The following HDLBP variants were observed in gnomAD, a reference collection of about 807,000 sequenced individuals.
The protein encoded by HDLBP is high density lipoprotein binding protein, also known as vigilin.
In HDLBP, 30 loss-of-function variants were observed where a neutral mutation model predicts 137.3. That is an observed-to-expected ratio of 0.22 (90% CI 0.16 to 0.30). HDLBP has a LOEUF of 0.30. HDLBP is among the 10% of genes least tolerant of loss of function. HDLBP has a pLI of 1.00. For missense variants in HDLBP, 1,119 were observed against 1,667.3 expected, an observed-to-expected ratio of 0.67 and a Z score of 5.73; for synonymous variants, 606 against 596.0, an observed-to-expected ratio of 1.02 and a Z score of -0.24.
At chr2:241,300,213 C>T (rs1486243316) in intron 1 of HDLBP, among the ~76,000 whole-genome samples, 1 of 152,148 alleles carries the variant, frequency 6.6e-6, no homozygotes, top group Non-Finnish European at 1.5e-5. Flanking sequence ...CCCCCCACCC[C>T]GCCCAGTTCT....
intron 20 of HDLBP, among the ~76,000 whole-genome samples, chr2:241,237,991 CCA>C (rs2070766303): frequency 6.6e-6 from 1 of 152,238 alleles, no homozygotes. Context: ...GGCTGCAGGG[CCA>C]CCTGCCGCCC....
Position 241,253,386 on chromosome 2 carries a change from A to T in HDLBP, c.1293+7T>A, listed in dbSNP as rs1290216057. The T allele has an allele frequency of 6.4e-7, 1 of 1,570,940 alleles. No homozygotes were observed. The highest frequency in any genetic ancestry group is 1.7e-5 in the Admixed American group (1 of 59,948). ...CAGCACACACAACATTCCAAGGGGTACCTTACCAAATCTTTGACCATGCCT... is the reference window on the plus strand; with the variant it reads ...CAGCACACACAACATTCCAAGGGGTTCCTTACCAAATCTTTGACCATGCCT... On this transcript the variant is annotated splice_region_variant and intron_variant, in intron 10 of 27. Coordinates refer to ENST00000310931, the MANE Select transcript of HDLBP (RefSeq NM_005336.6).
rs1459453382 is a variant in HDLBP, at chr2:241,272,454, G to A, written c.-102-3913C>T. ...GGGAGGAGGCGGGGGAGCCCAGCTT[G>A]CAGCCAAGAGCGGCCCAGCGGCGCC... On this transcript the variant is annotated intron_variant, in intron 1 of 27. Coordinates refer to ENST00000310931, the MANE Select transcript of HDLBP (RefSeq NM_005336.6). The surrounding 1 kb of genome is among the most constrained non-coding windows in gnomAD (Gnocchi z 5.6). 1 of 984,778 alleles carries A rather than the reference G, an allele frequency of 1.0e-6. No individual in the cohort carries two copies. The highest frequency in any genetic ancestry group is 4.7e-5 in the South Asian group (1 of 21,292). 61.0% of individuals were successfully genotyped at this position (984,778 alleles called of 1,614,324 possible). A position where few individuals can be genotyped will look rare whatever the true frequency, so the allele number is the denominator to read the frequency against.
chr2:241,275,847 T>C (rs1227597860), intron 1 of HDLBP, among the ~76,000 whole-genome samples: 1 of 152,158 alleles, frequency 6.6e-6, no homozygotes, highest in African/African-American at 2.4e-5. Context: ...AGAATGAGAA[T>C]AGACATATTC....
At chr2:241,246,482 A>G (rs1574903551) in intron 16 of HDLBP, 1 of 399,368 alleles carries the variant, frequency 2.5e-6, no homozygotes, top group Non-Finnish European at 4.5e-6. Flanking sequence ...ATACCTTCAG[A>G]TAAGATTTTC....
At chr2:241,264,760 A>G (rs3771344) in intron 3 of HDLBP, among the ~76,000 whole-genome samples, 155 bp from the exon 4 acceptor site, 118,014 of 151,918 alleles carry the variant, frequency 0.78, 46,031 homozygotes, top group Middle Eastern at 0.85. Context: ...TCATAGTGAT[A>G]GGAAAAGGCC....
rs974178643 is a variant in HDLBP at position 241,272,319 on chromosome 2, G to A, written c.-102-3778C>T. On this transcript the variant is annotated intron_variant, in intron 1 of 27. Transcript: ENST00000310931. The surrounding 1 kb of genome is among the most constrained non-coding windows in gnomAD (Gnocchi z 5.6). The stretch of plus-strand genomic sequence containing the variant: ...CCTGGCCGCACACGGCGCCCCCGCC[G>A]GAGCGGGGGAGGGGAGGGCCGGCCC... 47 of 982,572 alleles carry A rather than the reference G, an allele frequency of 4.8e-5. No individual in the cohort carries two copies. The highest frequency in any genetic ancestry group is 5.7e-5 in the Non-Finnish European group (47 of 827,826). 60.9% of individuals were successfully genotyped at this position (982,572 alleles called of 1,614,324 possible). A position where few individuals can be genotyped will look rare whatever the true frequency, so the allele number is the denominator to read the frequency against.
chr2:241,290,569 C>T (rs930902680), intron 1 of HDLBP, among the ~76,000 whole-genome samples: 1 of 151,598 alleles, frequency 6.6e-6, no homozygotes, highest in Non-Finnish European at 1.5e-5. Context: ...GAGATCGCGC[C>T]ATTGCACTCC....
At chr2:241,286,687 C>T (rs2074824738) in intron 1 of HDLBP, among the ~76,000 whole-genome samples, 1 of 152,322 alleles carries the variant, frequency 6.6e-6, no homozygotes, top group Non-Finnish European at 1.5e-5. Context: ...CGTCCTCACC[C>T]TTGGCAAAGT....
intron 20 of HDLBP, 122 bp from the exon 21 acceptor site, chr2:241,236,891 A>T: frequency 1.1e-6 from 1 of 873,224 alleles, no homozygotes; most frequent in Non-Finnish European, 1.7e-6. Flanking sequence ...AGGGAAAACC[A>T]CTCCTGTCCT....
Position 241,262,757 on chromosome 2 carries a change from G to A in HDLBP, c.404C>T (p.Ala135Val). Residue 135 changes from alanine to valine, a missense_variant, in exon 5 of 28, where the codon GCT becomes GTT. By Grantham distance (64) the Ala-to-Val change is moderately conservative. Around this residue, in one of 4 missense-constraint regions of HDLBP, gnomAD observed 425 missense variants for 693.9 expected, o/e 0.61. Coordinates refer to ENST00000310931, the MANE Select transcript of HDLBP (RefSeq NM_005336.6). ...AATGTCCTTCCGAGCTTTCATGACA[G>A]CATCCAGCTTTCCTGACACCATGAT... ...LSIMVSGKLD[A>V]VMKARKDIVA... The A allele has an allele frequency of 6.2e-7, 1 of 1,614,140 alleles. No individual in the cohort carries two copies. The highest frequency in any genetic ancestry group is 8.5e-7 in the Non-Finnish European group (1 of 1,180,008).
chr2:241,235,810 TC>T (rs1475413936), intron 21 of HDLBP, among the ~76,000 whole-genome samples: 3 of 152,176 alleles, frequency 2.0e-5, no homozygotes, highest in Non-Finnish European at 4.4e-5. Context: ...TCCAGACCCT[TC>T]ATCCCAAGCC....
chr2:241,312,521 T>C (rs1298069268), intron 1 of HDLBP, among the ~76,000 whole-genome samples: 3 of 152,248 alleles, frequency 2.0e-5, no homozygotes, highest in African/African-American at 7.2e-5. Flanking sequence ...TTCTGACACA[T>C]TATACTGGTT....
intron 16 of HDLBP, among the ~76,000 whole-genome samples, chr2:241,245,522 T>TGGG (rs2071603299): frequency 6.6e-6 from 1 of 152,202 alleles, no homozygotes; most frequent in African/African-American, 2.4e-5. Context: ...TAAAGGAGGC[T>TGGG]GGGTGCAGTG....
At chr2:241,268,646 C>A in intron 1 of HDLBP, 105 bp from the exon 2 acceptor site, 1 of 294,276 alleles carries the variant, frequency 3.4e-6, no homozygotes, top group Non-Finnish European at 5.0e-6. Flanking sequence ...CAGAAAAGGT[C>A]AAGATATTTA....
Position 241,230,285 on chromosome 2 carries a change from A to G in HDLBP, c.3475-16T>C, listed in dbSNP as rs553656108. The G allele has an allele frequency of 4.7e-6, 7 of 1,492,722 alleles. No individual in the cohort carries two copies. The African/African-American group carries it at 5.5e-5, about 12-fold the overall frequency. 92.5% of individuals were successfully genotyped at this position (1,492,722 alleles called of 1,614,324 possible). A position where few individuals can be genotyped will look rare whatever the true frequency, so the allele number is the denominator to read the frequency against. On this transcript the variant is annotated splice_polypyrimidine_tract_variant and intron_variant, in intron 25 of 27. Transcript: ENST00000310931. This position sits in a 1 kb window ranked among gnomAD's most constrained non-coding sequence, Gnocchi z 5.0. ...GAATGTCCACCTGGAAGGGGTGTAC[A>G]ACGTCAGATGAGGGGACTCCAAGCG...
chr2:241,257,624 C>T (rs375865993), intron 5 of HDLBP, among the ~76,000 whole-genome samples: 12 of 152,228 alleles, frequency 7.9e-5, no homozygotes, highest in East Asian at 5.8e-4. Flanking sequence ...TATGTGCATT[C>T]GAAATTAGAA....
At chr2:241,275,063 G>A (rs1251833655) in intron 1 of HDLBP, among the ~76,000 whole-genome samples, 1 of 152,186 alleles carries the variant, frequency 6.6e-6, no homozygotes, top group African/African-American at 2.4e-5. Flanking sequence ...TCCTGAGCTG[G>A]CAGACAGAAG....
rs1399203290 is a variant in HDLBP at position 241,240,692 on chromosome 2, A to C, written c.2170-570T>G. ...AGCTCAGAGGGACACAAGCCAACCA[A>C]GGCTACAGTTAGAGACCGGTCCTCA... On this transcript the variant is annotated intron_variant, in intron 17 of 27. Transcript: ENST00000310931. This position sits in a 1 kb window ranked among gnomAD's most constrained non-coding sequence, Gnocchi z 5.5. Among the ~76,000 whole-genome samples the C allele has an allele frequency of 6.6e-6, 1 of 152,010 alleles. No homozygotes were observed. The highest frequency in any genetic ancestry group is 6.5e-5 in the Admixed American group (1 of 15,276).
Sources: allele counts gnomAD v4.1 joint callset (sites outside exome capture counted in the v4.1 genomes callset), GRCh38; gene constraint gnomAD v4.1.1; regional missense constraint gnomAD v4.1.1; non-coding constraint Gnocchi (gnomAD v3.1); transcripts MANE v1.5; gene names NCBI Gene and HGNC (gene_info 2026-07-23, HGNC 2026-07-21).